CPO: variants seen among roughly 807,000 people sequenced by gnomAD.
CPO encodes carboxypeptidase O, also known as metallocarboxypeptidase C.
Under a neutral mutation model 41.2 loss-of-function variants are expected in CPO, and 43 were observed. The observed-to-expected ratio is 1.04, with a 90% CI of 0.82 to 1.35. CPO has a LOEUF of 1.35. CPO is among the 40% of genes most tolerant of loss of function. CPO has a pLI of 0.00. For missense variants in CPO, 408 were observed against 451.7 expected, an observed-to-expected ratio of 0.90 and a Z score of 0.88; for synonymous variants, 178 against 162.7, an observed-to-expected ratio of 1.09 and a Z score of -0.72.
At position 206,968,280 on chromosome 2, in the gene CPO, G is replaced by A. The variant is rs1693622238; in HGVS notation, c.795G>A (p.Lys265=). 5 of 1,610,348 alleles carry A rather than the reference G, an allele frequency of 3.1e-6. No individual in the cohort carries two copies. In the South Asian group the frequency reaches 4.4e-5, roughly 14 times the overall value. Residue 265 remains lysine, a synonymous_variant, in exon 8 of 9, where the codon AAG becomes AAA. Coordinates refer to ENST00000272852, the MANE Select transcript of CPO (RefSeq NM_173077.3). ...NHPEMIQVGQ[K]AANALKAKYG... is the part of the protein sequence containing the mutation. The stretch of plus-strand genomic sequence containing the variant: ...ACCTACAGATTCAAGTTGGACAGAA[G>A]GCAGCAAATGCATTGAAAGCAAAGT...
chr2:206,949,555 G>C, intron 1 of CPO, 62 bp from the exon 2 acceptor site: 1 of 1,240,262 alleles, frequency 8.1e-7, no homozygotes, highest in East Asian at 2.3e-5. Flanking sequence ...TCAACAACCC[G>C]CCAACCCTCA....
intron 7 of CPO, among the ~76,000 whole-genome samples, chr2:206,964,935 G>A (rs149678191): frequency 2.0e-5 from 3 of 152,310 alleles, no homozygotes; most frequent in Non-Finnish European, 4.4e-5. Context: ...GATGCTCTGT[G>A]ACCATTTTGC....
chr2:206,963,413 G>T (rs1463911770), intron 7 of CPO, among the ~76,000 whole-genome samples: 1 of 152,144 alleles, frequency 6.6e-6, no homozygotes, highest in Non-Finnish European at 1.5e-5. Flanking sequence ...GTTCAGTAGT[G>T]TTAAGTATAT....
intron 1 of CPO, among the ~76,000 whole-genome samples, chr2:206,940,283 A>T (rs1388570855): frequency 6.6e-6 from 1 of 152,022 alleles, no homozygotes; most frequent in East Asian, 1.9e-4. Context: ...TGCTTTTTGC[A>T]AATCTTTAAT....
chr2:206,949,486 A>T lies in CPO; in HGVS notation c.69-131A>T, dbSNP rs1693209264. On this transcript the variant is annotated intron_variant, in intron 1 of 8. Transcript: ENST00000272852. ...CATAATTAGTAAGTCACAGAGCCAA[A>T]GACTCCAACACAGGCTTTTGTCCTC... 2.4e-5 allele frequency: 15 copies of T among 622,302 alleles called. 1 individual carries two copies. The South Asian group carries it at 3.2e-4, about 13-fold the overall frequency. The allele number at this position is 622,302 out of a possible 1,614,324, so 38.5% of individuals were successfully genotyped here.
intron 2 of CPO, among the ~76,000 whole-genome samples, chr2:206,950,254 A>G (rs1459422029): frequency 6.6e-6 from 1 of 152,250 alleles, no homozygotes; most frequent in African/African-American, 2.4e-5. Context: ...AGAAAAAACA[A>G]ACAACCCCAT....
chr2:206,949,847 G>A (rs573166387), intron 2 of CPO, 134 bp downstream of exon 2: 10 of 493,822 alleles, frequency 2.0e-5, no homozygotes, highest in African/African-American at 1.4e-4. Flanking sequence ...AATACATTGA[G>A]TTCAAGGGAT....
chr2:206,960,890 T>C lies in CPO; in HGVS notation c.522T>C (p.Asn174=), dbSNP rs1413034374. 6.2e-7 allele frequency: 1 copy of C among 1,613,782 alleles called. No individual in the cohort carries two copies. The highest frequency in any genetic ancestry group is 1.3e-5 in the African/African-American group (1 of 74,930). ...LWRKSRSPHN[N]GTCFGTDLNR... Reference sequence around the variant, plus strand: ...GGAAATCCCGTTCACCCCATAATAATGGCACATGTTTTGGGACGGATCTCA... The same window carrying C: ...GGAAATCCCGTTCACCCCATAATAACGGCACATGTTTTGGGACGGATCTCA... Residue 174 remains asparagine (N), a synonymous_variant, in exon 6 of 9, where the codon AAT becomes AAC. Coordinates refer to ENST00000272852, the MANE Select transcript of CPO (RefSeq NM_173077.3).
intron 8 of CPO, 152 bp from the exon 9 acceptor site, chr2:206,969,022 C>G (rs917498026): frequency 1.8e-5 from 14 of 793,440 alleles, no homozygotes; most frequent in Admixed American, 5.1e-5. Flanking sequence ...GGGCTTACAA[C>G]CAAGAAGAAA....
chr2:206,949,248 A>G (rs1453165), intron 1 of CPO, among the ~76,000 whole-genome samples: 68,910 of 151,982 alleles, frequency 0.45, 16,118 homozygotes, highest in Non-Finnish European at 0.53. Flanking sequence ...TTAGAGAGAA[A>G]TAAATGAGAT....
intron 1 of CPO, among the ~76,000 whole-genome samples, chr2:206,940,259 T>C (rs940874921): frequency 6.6e-6 from 1 of 152,122 alleles, no homozygotes; most frequent in African/African-American, 2.4e-5. Flanking sequence ...AGCAACCAGC[T>C]ACATAATTTT....
At chr2:206,948,400 G>A (rs1693186552) in intron 1 of CPO, among the ~76,000 whole-genome samples, 2 of 152,166 alleles carry the variant, frequency 1.3e-5, no homozygotes, top group Non-Finnish European at 2.9e-5. Flanking sequence ...AAGTAAACAG[G>A]GCAGTAGTTG....
At chr2:206,956,491 C>T (rs979913449) in intron 3 of CPO, among the ~76,000 whole-genome samples, 2 of 152,168 alleles carry the variant, frequency 1.3e-5, no homozygotes, top group African/African-American at 4.8e-5. Flanking sequence ...CAAAGGTCTA[C>T]TAAGTCAGAA....
rs1469256353 is a variant in CPO, at chr2:206,962,595, CAAGT to C, written c.761_764del (p.Ser254ThrfsTer5). Reference sequence around the variant, plus strand: ...CCTTACGGCTACACCAAAAATAAATCAAGTAACCACCCAGAAATGGTGAGTCCAT... The same window carrying C: ...CCTTACGGCTACACCAAAAATAAATCAACCACCCAGAAATGGTGAGTCCAT... On this transcript the variant is annotated frameshift_variant, in exon 7 of 9. Coordinates refer to ENST00000272852, the MANE Select transcript of CPO (RefSeq NM_173077.3). LOFTEE classifies it high-confidence loss of function. The C allele has an allele frequency of 6.2e-7, 1 of 1,614,028 alleles. No individual in the cohort carries two copies. The highest frequency in any genetic ancestry group is 1.7e-5 in the Admixed American group (1 of 60,030).
intron 7 of CPO, among the ~76,000 whole-genome samples, chr2:206,966,363 T>G (rs57046275): frequency 1.3e-5 from 2 of 150,666 alleles, no homozygotes; most frequent in South Asian, 4.2e-4. Context: ...AAAAAAAAAA[T>G]GGGAATTAAA....
chr2:206,963,130 G>C (rs374991012), intron 7 of CPO, among the ~76,000 whole-genome samples: 1 of 149,812 alleles, frequency 6.7e-6, no homozygotes, highest in South Asian at 2.1e-4. Context: ...AAGTGCCAGC[G>C]AAATGCAAGC....
Position 206,969,030 on chromosome 2 carries a change from A to G in CPO, c.863-144A>G, listed in dbSNP as rs111297146. 3.1e-5 allele frequency: 26 copies of G among 835,706 alleles called. 1 individual carries two copies. The highest frequency in any genetic ancestry group is 3.5e-4 in the Middle Eastern group (1 of 2,848). The allele number at this position is 835,706 out of a possible 1,614,324, so 51.8% of individuals were successfully genotyped here. On this transcript the variant is annotated intron_variant, in intron 8 of 8. Coordinates refer to ENST00000272852, the MANE Select transcript of CPO (RefSeq NM_173077.3). ...CCTGCAGGGGCTTACAACCAAGAAG[A>G]AAGAGAAGACAGCTATTTCTGAGAC...
In CPO at chr2:206,958,311, C is replaced by A; in HGVS notation, c.278C>A (p.Pro93Gln). The change falls in exon 4 of 9, where the codon CCA becomes CAA. Residue 93 changes from proline to glutamine, a missense_variant. Transcript: ENST00000272852. The part of the protein sequence containing the change: ...HPMYYLKISQ[P>Q]SGNPKKIIWM... ...GGATATCTTCTCCAGATCAGCCAAC[C>A]ATCTGGTAATCCCAAGAAAATCATT... 3.2e-6 allele frequency: 5 copies of A among 1,578,768 alleles called. 1 individual carries two copies. The South Asian group carries it at 3.5e-5, about 11-fold the overall frequency.
chr2:206,949,509 C>T, intron 1 of CPO, 108 bp from the exon 2 acceptor site: 2 of 731,198 alleles, frequency 2.7e-6, no homozygotes, highest in East Asian at 2.6e-5. Flanking sequence ...GGCTTTTGTC[C>T]TCCAAGTCCT....
Sources: gnomAD v4.1 joint callset for allele counts (sites outside exome capture counted in the v4.1 genomes callset) on GRCh38, gnomAD v4.1.1 for gene constraint, MANE v1.5 for transcripts, NCBI Gene and HGNC (gene_info 2026-07-23, HGNC 2026-07-21) for gene names.